Variants in IFI27L1 observed in about 807,000 individuals in gnomAD.
IFI27L1 encodes interferon alpha inducible protein 27 like 1.
A neutral mutation model predicts 9.2 loss-of-function variants in IFI27L1; 3 were observed. The ratio of observed to expected loss-of-function variants is 0.32; its 90% CI spans 0.15 to 0.84. IFI27L1 has a LOEUF of 0.84. Ranked by LOEUF, IFI27L1 falls within the 40% of genes least tolerant of loss-of-function variation. The pLI is 0.56. For missense variants in IFI27L1, 133 were observed against 134.2 expected (o/e 0.99, Z 0.05); for synonymous variants, 53 against 50.0 (o/e 1.06, Z -0.26).
At chr14:94,088,443 G>T (rs372270149) in intron 1 of IFI27L1, 2 of 676,436 alleles carry the variant, frequency 3.0e-6, no homozygotes. Flanking sequence ...ACATTCTGGG[G>T]TTGGGGCATT....
At chr14:94,084,946 G>A (rs1018208558) in intron 1 of IFI27L1, among the ~76,000 whole-genome samples, 3 of 151,966 alleles carry the variant, frequency 2.0e-5, no homozygotes, top group Admixed American at 6.6e-5. Context: ...TTTAATTCCT[G>A]TTCCAATGCC....
At chr14:94,089,001 TG>T (rs1886376965) in intron 1 of IFI27L1, 1 of 152,192 alleles carries the variant, frequency 6.6e-6, no homozygotes, top group African/African-American at 2.4e-5. Context: ...TTGTTCATGG[TG>T]TTTTTTTGTT....
intron 1 of IFI27L1, among the ~76,000 whole-genome samples, chr14:94,083,273 T>A (rs1484680070): frequency 1.3e-5 from 2 of 152,244 alleles, no homozygotes; most frequent in African/African-American, 4.8e-5. Flanking sequence ...GATGAACAGT[T>A]CCTTCTAATG....
Position 94,081,423 on chromosome 14 carries a change from A to G in IFI27L1, c.-78A>G, listed in dbSNP as rs1299608206. On this transcript the variant is annotated 5_prime_UTR_variant, in exon 1 of 5. Coordinates refer to ENST00000555523, the MANE Select transcript of IFI27L1 (RefSeq NM_206949.3). ...AATTCTGTGTGCTCCCTCCGGCGAG[A>G]GACTTTGTCAGCTCCCGCACAGTAA... is the stretch of plus-strand genomic sequence containing the variant. 6.6e-6 allele frequency: 1 copy of G among 152,246 alleles called. No individual in the cohort carries two copies. The highest frequency in any genetic ancestry group is 6.5e-5 in the Admixed American group (1 of 15,284). The allele number at this position is 152,246 out of a possible 1,614,324, so 9.4% of individuals were successfully genotyped here.
chr14:94,100,989 T>C, intron 3 of IFI27L1: 1 of 616,372 alleles, frequency 1.6e-6, no homozygotes, highest in Non-Finnish European at 2.9e-6. Context: ...GGGGCTACTC[T>C]CAGCTTCCAC....
chr14:94,091,113 C>T (rs1407129042), intron 1 of IFI27L1, among the ~76,000 whole-genome samples: 3 of 152,188 alleles, frequency 2.0e-5, no homozygotes, highest in African/African-American at 4.8e-5. Flanking sequence ...CCATGAAAGT[C>T]CTGAAAGATT....
At chr14:94,092,811 G>T (rs1303849334) in intron 1 of IFI27L1, among the ~76,000 whole-genome samples, 1 of 152,194 alleles carries the variant, frequency 6.6e-6, no homozygotes, top group East Asian at 1.9e-4. Flanking sequence ...GAATCACCGG[G>T]ATGATTTCCC....
At chr14:94,086,166 G>T (rs1205329616) in intron 1 of IFI27L1, among the ~76,000 whole-genome samples, 4 of 152,100 alleles carry the variant, frequency 2.6e-5, no homozygotes, top group Admixed American at 2.6e-4. Context: ...GAGATCTGGT[G>T]GTTTAAAAGT....
chr14:94,083,072 A>G (rs914076275), intron 1 of IFI27L1, among the ~76,000 whole-genome samples: 1 of 152,256 alleles, frequency 6.6e-6, no homozygotes, highest in Admixed American at 6.5e-5. Flanking sequence ...TCATGGGAAG[A>G]TGTCAAAATA....
rs767372262 is a variant in IFI27L1 at position 94,096,950 on chromosome 14, A to G, written c.13A>G (p.Ser5Gly). The change falls in exon 2 of 5, where the codon AGT becomes GGT. Residue 5 changes from serine (S) to glycine (G), a missense_variant. By Grantham distance (56) the Ser-to-Gly change is moderately conservative. Coordinates refer to ENST00000555523, the MANE Select transcript of IFI27L1 (RefSeq NM_206949.3). MGKE[S>G]GWDSGRAAVA... ...GAAGGGGCCAACCATGGGAAAGGAGAGTGGATGGGACTCAGGTGGGTACTG... is the reference window on the plus strand; with the variant it reads ...GAAGGGGCCAACCATGGGAAAGGAGGGTGGATGGGACTCAGGTGGGTACTG... 1 of 1,613,532 alleles carries G rather than the reference A, an allele frequency of 6.2e-7. No individual in the cohort carries two copies. Among genetic ancestry groups the G allele is most frequent in the Non-Finnish European group, 8.5e-7 (1 of 1,179,692 alleles).
At position 94,096,976 on chromosome 14, in the gene IFI27L1, CACA is replaced by C. The variant is rs1886696948; in HGVS notation, c.28+12_28+14del. 2 of 1,608,650 alleles carry C rather than the reference CACA, an allele frequency of 1.2e-6. No homozygotes were observed. The highest frequency in any genetic ancestry group is 3.4e-5 in the Admixed American group (2 of 59,388). On this transcript the variant is annotated intron_variant, in intron 2 of 4. Coordinates refer to ENST00000555523, the MANE Select transcript of IFI27L1 (RefSeq NM_206949.3). Reference sequence around the variant, plus strand: ...GTGGATGGGACTCAGGTGGGTACTGCACATGATTCTGGGGGCTGCTGGTCCTTC... The same window carrying C: ...GTGGATGGGACTCAGGTGGGTACTGCTGATTCTGGGGGCTGCTGGTCCTTC...
At chr14:94,086,641 C>A (rs148926349) in intron 1 of IFI27L1, among the ~76,000 whole-genome samples, 1 of 152,138 alleles carries the variant, frequency 6.6e-6, no homozygotes, top group East Asian at 1.9e-4. Context: ...GGAAGTATGG[C>A]AGAGGGAAGC....
At chr14:94,081,787 A>G (rs1886116046) in intron 1 of IFI27L1, among the ~76,000 whole-genome samples, 1 of 152,094 alleles carries the variant, frequency 6.6e-6, no homozygotes, top group African/African-American at 2.4e-5. Context: ...GTAATTGATA[A>G]ATGTTGTGTG....
At chr14:94,100,587 T>C in intron 2 of IFI27L1, 152 bp from the exon 3 acceptor site, 1 of 1,538,392 alleles carries the variant, frequency 6.5e-7, no homozygotes, top group Non-Finnish European at 8.7e-7. Context: ...GATGGGGCCT[T>C]CACCTCTGAC....
intron 1 of IFI27L1, 175 bp from the exon 2 acceptor site, chr14:94,096,712 A>AT: frequency 2.4e-5 from 10 of 415,990 alleles, no homozygotes; most frequent in Non-Finnish European, 4.3e-5. Context: ...AAAAAAAAAA[A>AT]GGCTATGCTT....
At chr14:94,095,295 C>T (rs75426311) in intron 1 of IFI27L1, among the ~76,000 whole-genome samples, 1,614 of 152,172 alleles carry the variant, frequency 0.011, 35 homozygotes, top group African/African-American at 0.036. Flanking sequence ...TCTTAGCCTC[C>T]CAAGTAACTG....
chr14:94,094,579 G>A (rs1364630256), intron 1 of IFI27L1, among the ~76,000 whole-genome samples: 1 of 152,150 alleles, frequency 6.6e-6, no homozygotes, highest in Non-Finnish European at 1.5e-5. Context: ...AAACCTAGAT[G>A]GTGACGGAAG....
At chr14:94,085,336 C>CA (rs1886247896) in intron 1 of IFI27L1, among the ~76,000 whole-genome samples, 1 of 152,192 alleles carries the variant, frequency 6.6e-6, no homozygotes, top group Non-Finnish European at 1.5e-5. Flanking sequence ...CTTACTCTTC[C>CA]TGCATGTTTC....
intron 1 of IFI27L1, among the ~76,000 whole-genome samples, chr14:94,095,550 C>T (rs58721766): frequency 0.26 from 40,135 of 152,034 alleles, 5,535 homozygotes; most frequent in East Asian, 0.5. Flanking sequence ...AAGCATGGCA[C>T]CAACGTCTGC....
Sources: gnomAD v4.1 joint callset for allele counts (sites outside exome capture counted in the v4.1 genomes callset) on GRCh38, gnomAD v4.1.1 for gene constraint, MANE v1.5 for transcripts, NCBI Gene and HGNC (gene_info 2026-07-23, HGNC 2026-07-21) for gene names.